LOC400499: variants seen among roughly 807,000 people sequenced by gnomAD.
At chr16:11,402,780 C>T in the LOC400499 span, among the ~76,000 whole-genome samples, 5 of 152,148 alleles carry the variant, frequency 3.3e-5, no homozygotes, top group African/African-American at 9.7e-5. Flanking sequence ...GTGAGCAAGG[C>T]GCCACGCTTG....
chr16:11,460,977 C>A, the LOC400499 span: 1 of 1,534,868 alleles, frequency 6.5e-7, no homozygotes, highest in African/African-American at 1.4e-5. Context: ...GGAGGCTGTA[C>A]TGGATCCTCA....
At chr16:11,474,189 C>T in the LOC400499 span, among the ~76,000 whole-genome samples, 1 of 152,210 alleles carries the variant, frequency 6.6e-6, no homozygotes, top group South Asian at 2.1e-4. Context: ...TGCGGTCACA[C>T]AGTCTAGCTT....
chr16:11,479,606 G>T, the LOC400499 span, among the ~76,000 whole-genome samples: 1 of 152,016 alleles, frequency 6.6e-6, no homozygotes, highest in Admixed American at 6.6e-5. Context: ...CTGGACAACA[G>T]ACAGAGCAAG....
the LOC400499 span, chr16:11,516,117 C>T: frequency 7.5e-6 from 3 of 399,570 alleles, no homozygotes; most frequent in East Asian, 7.1e-5. Context: ...CTACCCCCTA[C>T]CCCCTTCCCA....
the LOC400499 span, chr16:11,491,822 G>A: frequency 2.5e-6 from 1 of 398,852 alleles, no homozygotes; most frequent in African/African-American, 2.1e-5. Context: ...CCAGGGATTG[G>A]TATAGACGGG....
chr16:11,451,060 A>G, the LOC400499 span, among the ~76,000 whole-genome samples: 1 of 152,232 alleles, frequency 6.6e-6, no homozygotes, highest in East Asian at 1.9e-4. Flanking sequence ...AGATTTATAC[A>G]TTTCACTGTG....
the LOC400499 span, among the ~76,000 whole-genome samples, chr16:11,419,159 C>G: frequency 6.7e-6 from 1 of 149,954 alleles, no homozygotes; most frequent in South Asian, 2.1e-4. Context: ...GGGCAAAACT[C>G]TGTCTCAAAA....
chr16:11,449,118 G>C, the LOC400499 span: 5 of 1,442,360 alleles, frequency 3.5e-6, no homozygotes, highest in Non-Finnish European at 4.6e-6. Context: ...CTGCAATGAG[G>C]TGAGGAGGGG....
chr16:11,425,027 G>A, the LOC400499 span: 3 of 397,880 alleles, frequency 7.5e-6, no homozygotes, highest in East Asian at 7.1e-5. Flanking sequence ...AAGCTGGAAT[G>A]TGAATTTGGG....
At chr16:11,488,670 G>T in the LOC400499 span, 14 of 398,670 alleles carry the variant, frequency 3.5e-5, no homozygotes, top group African/African-American at 2.9e-4. Flanking sequence ...AGCCTTTGTG[G>T]TTCCAGAGCA....
At chr16:11,512,336 C>T in the LOC400499 span, among the ~76,000 whole-genome samples, 4 of 150,264 alleles carry the variant, frequency 2.7e-5, no homozygotes, top group African/African-American at 9.8e-5. Flanking sequence ...CGGTGGCTCA[C>T]GCCTGTAGTC....
the LOC400499 span, chr16:11,460,058 G>C: frequency 7.1e-7 from 1 of 1,409,004 alleles, no homozygotes; most frequent in South Asian, 1.7e-5. Context: ...GCTGGACCTG[G>C]GACACACATG....
At chr16:11,447,469 G>A in the LOC400499 span, among the ~76,000 whole-genome samples, 1 of 152,138 alleles carries the variant, frequency 6.6e-6, no homozygotes, top group African/African-American at 2.4e-5. Context: ...ATGTAAATGG[G>A]ATAAAAACAC....
At chr16:11,428,235 C>T in the LOC400499 span, among the ~76,000 whole-genome samples, 48 of 144,136 alleles carry the variant, frequency 3.3e-4, no homozygotes, top group Admixed American at 2.8e-3. Flanking sequence ...AGTGCCGTGG[C>T]GTAATCTCTC....
At chr16:11,466,508 C>A in the LOC400499 span, among the ~76,000 whole-genome samples, 5 of 152,052 alleles carry the variant, frequency 3.3e-5, no homozygotes, top group Non-Finnish European at 5.9e-5. Context: ...CCTGCCTCAG[C>A]CTCCCAAGTA....
At chr16:11,432,735 C>A in the LOC400499 span, among the ~76,000 whole-genome samples, 7 of 152,160 alleles carry the variant, frequency 4.6e-5, no homozygotes, top group Non-Finnish European at 7.3e-5. Flanking sequence ...CCACCAGGAA[C>A]AAGATCAGCC....
the LOC400499 span, among the ~76,000 whole-genome samples, chr16:11,464,930 G>A: frequency 6.6e-6 from 1 of 152,220 alleles, no homozygotes; most frequent in African/African-American, 2.4e-5. Flanking sequence ...TCAGGCAGGT[G>A]GAGCTTTAGG....
At chr16:11,489,895 A>C in the LOC400499 span, among the ~76,000 whole-genome samples, 1 of 152,208 alleles carries the variant, frequency 6.6e-6, no homozygotes, top group Non-Finnish European at 1.5e-5. Context: ...AGTGAGATTA[A>C]CTCAAGGGCC....
the LOC400499 span, among the ~76,000 whole-genome samples, chr16:11,453,819 A>C: frequency 6.6e-6 from 1 of 151,880 alleles, no homozygotes; most frequent in South Asian, 2.1e-4. Flanking sequence ...AAAGAAAAAG[A>C]AAAAAAGAAA....
Sources: allele counts gnomAD v4.1 joint callset (sites outside exome capture counted in the v4.1 genomes callset), GRCh38; gene constraint gnomAD v4.1.1; transcripts MANE v1.5.